Variants in ADAM22 observed in about 807,000 individuals in gnomAD.
ADAM22 encodes the protein disintegrin and metalloproteinase domain-containing protein 22.
A neutral mutation model predicts 144.6 loss-of-function variants in ADAM22; 65 were observed. The observed-to-expected ratio is 0.45, with a 90% CI of 0.37 to 0.55. ADAM22 has a LOEUF of 0.55. ADAM22 is among the 20% of genes least tolerant of loss of function. The probability of loss-of-function intolerance (pLI) is 0.00; values close to 1 mark genes in which losing one functional copy is unlikely to be tolerated. For missense variants in ADAM22, 974 were observed against 1,184.9 expected, an observed-to-expected ratio of 0.82 and a Z score of 2.61; for synonymous variants, 391 against 412.6, an observed-to-expected ratio of 0.95 and a Z score of 0.63.
chr7:88,188,300 TG>T lies in ADAM22; in HGVS notation c.2750+1601del, dbSNP rs1848807924. Among the ~76,000 whole-genome samples, 7 of 152,232 alleles carry T rather than the reference TG, an allele frequency of 4.6e-5. No homozygotes were observed. The South Asian group carries it at 1.5e-3, about 32-fold the overall frequency. On this transcript the variant is annotated intron_variant, in intron 30 of 31. Coordinates refer to ENST00000413139, the MANE Select transcript of ADAM22 (RefSeq NM_001324418.2). ...CCCTGGGTGAGCTGAGTAGTTTATG[TG>T]GCTCTCAGAGAAAGAGGTCACGTTT...
chr7:88,091,321 CTTG>C (rs1348251536), intron 4 of ADAM22, among the ~76,000 whole-genome samples: 2 of 152,094 alleles, frequency 1.3e-5, no homozygotes, highest in African/African-American at 4.8e-5. Context: ...AATATAATGA[CTTG>C]TTGTATTTCT....
chr7:88,171,121 T>G (rs942620856), intron 25 of ADAM22, among the ~76,000 whole-genome samples: 2 of 151,920 alleles, frequency 1.3e-5, no homozygotes, highest in African/African-American at 4.8e-5. Context: ...TAGTTTGGGG[T>G]TTATATTCCA....
At chr7:88,168,287 A>G (rs1843396661) in intron 25 of ADAM22, 60 bp downstream of exon 25, 2 of 1,506,106 alleles carry the variant, frequency 1.3e-6, no homozygotes, top group Non-Finnish European at 1.8e-6. Context: ...TTTTGATTAC[A>G]TGAAAACATC....
intron 3 of ADAM22, among the ~76,000 whole-genome samples, chr7:87,988,310 A>G (rs1788948336): frequency 6.6e-6 from 1 of 152,162 alleles, no homozygotes; most frequent in Admixed American, 6.5e-5. Flanking sequence ...TGTTATATGA[A>G]TGGTACCTGG....
rs1191135239 is a variant in ADAM22, at chr7:88,199,287, C to CA, written c.*2796_*2797insA. ...AAGCAGAAGAGAGCAGTTATTTGGC[C>CA]TTTATGTTCCATTGTATGCCTTTTT... On this transcript the variant is annotated 3_prime_UTR_variant, in exon 32 of 32. Transcript: ENST00000413139. 1 of 152,072 alleles carries CA rather than the reference C, an allele frequency of 6.6e-6. No homozygotes were observed. Among genetic ancestry groups the CA allele is most frequent in the African/African-American group, 2.4e-5 (1 of 41,426 alleles). 9.4% of individuals were successfully genotyped at this position (152,072 alleles called of 1,614,324 possible).
At chr7:88,162,097 TAC>T (rs61053925) in intron 22 of ADAM22, among the ~76,000 whole-genome samples, 4,859 of 136,638 alleles carry the variant, frequency 0.036, 248 homozygotes, top group African/African-American at 0.12. Context: ...AAATGTGTAA[TAC>T]ACACACACAC....
At chr7:88,109,248 C>T (rs1030950515) in intron 5 of ADAM22, among the ~76,000 whole-genome samples, 1 of 152,068 alleles carries the variant, frequency 6.6e-6, no homozygotes, top group Non-Finnish European at 1.5e-5. Flanking sequence ...TTCATCCTTC[C>T]TCAAGGCCTT....
intron 7 of ADAM22, among the ~76,000 whole-genome samples, chr7:88,117,450 C>A (rs1474965296): frequency 6.6e-6 from 1 of 152,182 alleles, no homozygotes; most frequent in Non-Finnish European, 1.5e-5. Flanking sequence ...ATGGACCTAG[C>A]AACCTATGTT....
Position 88,132,894 on chromosome 7 carries a change from C to A in ADAM22, c.1020C>A (p.Ser340Arg), listed in dbSNP as rs906574958. The A allele has an allele frequency of 6.2e-7, 1 of 1,613,686 alleles. No individual in the cohort carries two copies. The highest frequency in any genetic ancestry group is 8.5e-7 in the Non-Finnish European group (1 of 1,179,834). ...GAAGTCAATTTGAGAGTAGCCGGAG[C>A]GGGGCAGCTTATATTGGTGGGATTT... ...FSGSQFESSR[S>R]GAAYIGGICS... is the part of the protein sequence containing the mutation. The change falls in exon 12 of 32, where the codon AGC (serine) becomes AGA (arginine). Residue 340 changes from serine (S) to arginine (R), a missense_variant. Around this residue, in one of 2 missense-constraint regions of ADAM22, gnomAD observed 734 missense variants for 950.6 expected, o/e 0.77. Transcript: ENST00000413139.
At chr7:88,149,119 T>G in intron 18 of ADAM22, 62 bp downstream of exon 18, 1 of 1,124,422 alleles carries the variant, frequency 8.9e-7, no homozygotes, top group Non-Finnish European at 1.3e-6. Context: ...TTTAGTGCAC[T>G]GACCCTCAAA....
intron 3 of ADAM22, among the ~76,000 whole-genome samples, chr7:88,041,235 G>C (rs551896773): frequency 1.8e-4 from 28 of 152,112 alleles, no homozygotes; most frequent in Admixed American, 1.8e-3. Flanking sequence ...TGTGCAGGGG[G>C]TATACACCTT....
At chr7:87,958,385 ATTTT>A (rs1387757715) in intron 2 of ADAM22, among the ~76,000 whole-genome samples, 1 of 151,104 alleles carries the variant, frequency 6.6e-6, no homozygotes, top group African/African-American at 2.4e-5. Context: ...AATTTTTTTT[ATTTT>A]TTATTTTTTT....
chr7:88,125,892 T>C (rs1416030017), intron 8 of ADAM22, among the ~76,000 whole-genome samples: 1 of 152,048 alleles, frequency 6.6e-6, no homozygotes, highest in Non-Finnish European at 1.5e-5. Context: ...CATCATATTA[T>C]GGGTTATGAG....
chr7:88,061,123 C>T (rs922394162), intron 3 of ADAM22, among the ~76,000 whole-genome samples: 2 of 152,058 alleles, frequency 1.3e-5, no homozygotes, highest in Non-Finnish European at 2.9e-5. Flanking sequence ...AAGAGTCCTC[C>T]TCCATCCAGA....
At chr7:88,021,901 C>A (rs939493467) in intron 3 of ADAM22, among the ~76,000 whole-genome samples, 1 of 151,152 alleles carries the variant, frequency 6.6e-6, no homozygotes, top group Non-Finnish European at 1.5e-5. Context: ...GAGACAGGGT[C>A]TCGCTCTGTC....
intron 2 of ADAM22, among the ~76,000 whole-genome samples, chr7:87,940,160 C>T (rs868571765): frequency 8.7e-5 from 11 of 126,292 alleles, no homozygotes; most frequent in African/African-American, 1.5e-4. Context: ...CCAGCCTGGG[C>T]GACAGAGCAA....
At chr7:88,088,073 A>T (rs1818881809) in intron 4 of ADAM22, among the ~76,000 whole-genome samples, 1 of 152,150 alleles carries the variant, frequency 6.6e-6, no homozygotes, top group Admixed American at 6.6e-5. Flanking sequence ...GTCAGAGGAG[A>T]AAGGAATACA....
chr7:87,960,439 A>G (rs778400403), intron 2 of ADAM22, among the ~76,000 whole-genome samples: 1 of 151,548 alleles, frequency 6.6e-6, no homozygotes, highest in Non-Finnish European at 1.5e-5. Flanking sequence ...TCATCTCCAT[A>G]AGGCCATTGG....
chr7:87,970,968 T>C (rs543358904), intron 2 of ADAM22, among the ~76,000 whole-genome samples: 2 of 152,334 alleles, frequency 1.3e-5, no homozygotes, highest in African/African-American at 4.8e-5. Flanking sequence ...CTTCTATAAA[T>C]GTCAGCCTCA....
Sources: gnomAD v4.1 joint callset for allele counts (sites outside exome capture counted in the v4.1 genomes callset) on GRCh38, gnomAD v4.1.1 for gene constraint, gnomAD v4.1.1 regional missense constraint, MANE v1.5 for transcripts, NCBI Gene and HGNC (gene_info 2026-07-23, HGNC 2026-07-21) for gene names.